ATAD2: variants seen among roughly 807,000 people sequenced by gnomAD.
ATAD2 encodes ATPase family AAA domain-containing protein 2.
A neutral mutation model predicts 168.9 loss-of-function variants in ATAD2; 62 were observed. That is an observed-to-expected ratio of 0.37 (90% CI 0.30 to 0.45). The LOEUF (loss-of-function observed/expected upper bound fraction) is 0.45, where lower values mean the gene tolerates loss of function less well. Ranked by LOEUF, ATAD2 falls within the 20% of genes least tolerant of loss-of-function variation. The probability of loss-of-function intolerance (pLI) is 1.00; values close to 1 mark genes in which losing one functional copy is unlikely to be tolerated. For missense variants in ATAD2, 1,419 were observed against 1,667.8 expected, an observed-to-expected ratio of 0.85 and a Z score of 2.60; for synonymous variants, 613 against 571.6, an observed-to-expected ratio of 1.07 and a Z score of -1.03.
At chr8:123,399,147 A>G (rs1168001130), upstream of ATAD2, among the ~76,000 whole-genome samples, 1 of 152,008 alleles carries the variant, frequency 6.6e-6, no homozygotes, top group Non-Finnish European at 1.5e-5. Flanking sequence ...CTGTAGCCCC[A>G]GCTACTCAGG....
At chr8:123,411,480 G>A (rs1340693699) in intron 1 of ATAD2, among the ~76,000 whole-genome samples, 12 of 152,158 alleles carry the variant, frequency 7.9e-5, no homozygotes, top group Non-Finnish European at 7.3e-5. Context: ...GGCCGACTAA[G>A]AATCCGTAAG....
chr8:123,348,028 G>A (rs1392199378), intron 15 of ATAD2, 155 bp downstream of exon 15: 2 of 696,534 alleles, frequency 2.9e-6, no homozygotes, highest in Non-Finnish European at 5.0e-6. Flanking sequence ...ATATAACCTT[G>A]TATTTCTTTA....
At position 123,338,233 on chromosome 8, in the gene ATAD2, T is replaced by C. The variant is rs543373616; in HGVS notation, c.2855-412A>G. On this transcript the variant is annotated intron_variant, in intron 20 of 27. Transcript: ENST00000287394. The stretch of plus-strand genomic sequence containing the variant: ...TAGCTGGCGTGGTGGCGTGCGCCTG[T>C]AGTCCTACCTACTCAGGAGGCTGAG... Among the ~76,000 whole-genome samples the C allele has an allele frequency of 1.6e-4, 24 of 152,166 alleles. No homozygotes were observed. The South Asian group carries it at 5.0e-3, about 32-fold the overall frequency.
chr8:123,369,618 A>T (rs914456573), intron 7 of ATAD2, among the ~76,000 whole-genome samples: 2 of 152,164 alleles, frequency 1.3e-5, no homozygotes, highest in Non-Finnish European at 2.9e-5. Flanking sequence ...TAGCCCAGTT[A>T]TTTGCTTTGG....
chr8:123,388,250 C>A (rs1174365539), intron 1 of ATAD2, among the ~76,000 whole-genome samples: 2 of 152,150 alleles, frequency 1.3e-5, no homozygotes, highest in Non-Finnish European at 2.9e-5. Context: ...GGCTGGAGTA[C>A]AGTGGCACAA....
chr8:123,349,085 T>C (rs972051285), intron 14 of ATAD2, among the ~76,000 whole-genome samples, 200 bp downstream of exon 14: 16 of 152,196 alleles, frequency 1.1e-4, no homozygotes, highest in Non-Finnish European at 1.8e-4. Context: ...CAAATTGAAA[T>C]AATTTTAAGA....
At chr8:123,359,083 T>C in intron 11 of ATAD2, 138 bp downstream of exon 11, 2 of 570,406 alleles carry the variant, frequency 3.5e-6, no homozygotes, top group Non-Finnish European at 6.0e-6. Context: ...ATAAAGGTGA[T>C]TCAGAGAGAA....
At chr8:123,361,475 G>A in intron 9 of ATAD2, 64 bp downstream of exon 9, 2 of 1,372,756 alleles carry the variant, frequency 1.5e-6, no homozygotes, top group Non-Finnish European at 2.1e-6. Context: ...AAATTATTCT[G>A]TTTTCTTAGC....
intron 13 of ATAD2, among the ~76,000 whole-genome samples, chr8:123,354,888 T>TATATATATATATATATATATATATA (rs1828590688): frequency 7.6e-6 from 1 of 131,340 alleles, no homozygotes; most frequent in African/African-American, 3.0e-5. Flanking sequence ...TATATATATA[T>TATATATATATATATATATATATATA]TTGAGATGGC....
At chr8:123,349,824 G>C (rs1284528229) in intron 13 of ATAD2, among the ~76,000 whole-genome samples, 4 of 151,544 alleles carry the variant, frequency 2.6e-5, no homozygotes, top group African/African-American at 9.7e-5. Context: ...AGTACTCGAG[G>C]CCAGGAGTTT....
chr8:123,369,654 A>T (rs1829079517), intron 7 of ATAD2, among the ~76,000 whole-genome samples, 167 bp downstream of exon 7: 1 of 152,182 alleles, frequency 6.6e-6, no homozygotes, highest in Admixed American at 6.5e-5. Flanking sequence ...AACTTTCTTC[A>T]GAGAAATTAT....
chr8:123,376,554 A>C (rs1197676273), intron 2 of ATAD2, among the ~76,000 whole-genome samples: 5 of 151,658 alleles, frequency 3.3e-5, no homozygotes, highest in African/African-American at 1.2e-4. Flanking sequence ...ACTCCATCTC[A>C]AAAAAAATAC....
chr8:123,370,466 T>TA (rs968578496), intron 6 of ATAD2, among the ~76,000 whole-genome samples: 7 of 152,116 alleles, frequency 4.6e-5, no homozygotes, highest in African/African-American at 1.7e-4. Flanking sequence ...GTCATGGAGT[T>TA]ACACGCTGCA....
At chr8:123,364,597 C>CCAGGGATG (rs1828917687) in intron 8 of ATAD2, among the ~76,000 whole-genome samples, 1 of 152,122 alleles carries the variant, frequency 6.6e-6, no homozygotes, top group South Asian at 2.1e-4. Context: ...AGGTTTCATA[C>CCAGGGATG]CAGGGATGCA....
intron 5 of ATAD2, 72 bp from the exon 6 acceptor site, chr8:123,371,062 A>G: frequency 8.0e-7 from 1 of 1,252,506 alleles, no homozygotes; most frequent in Non-Finnish European, 1.1e-6. Context: ...GGATCCTCCA[A>G]TCTTGTTTAA....
chr8:123,348,115 C>T (rs749387291), intron 15 of ATAD2, 68 bp downstream of exon 15: 1 of 1,293,366 alleles, frequency 7.7e-7, no homozygotes. Context: ...TTGCACCAAC[C>T]TAATATAACT....
intron 8 of ATAD2, among the ~76,000 whole-genome samples, chr8:123,364,550 A>G (rs1489115204): frequency 6.6e-6 from 1 of 152,216 alleles, no homozygotes; most frequent in African/African-American, 2.4e-5. Flanking sequence ...ATCGAATCCA[A>G]CAACGTATCA....
At chr8:123,349,012 G>A (rs1828358166) in intron 14 of ATAD2, among the ~76,000 whole-genome samples, 1 of 152,092 alleles carries the variant, frequency 6.6e-6, no homozygotes, top group Admixed American at 6.6e-5. Context: ...AACTGGCTAA[G>A]GATTGATTAC....
chr8:123,328,756 C>G lies in ATAD2; in HGVS notation c.3479-177G>C, dbSNP rs566979830. ...TGAGAAGGTGGAGAAGTGGGTAAGG[C>G]CCAGACCATAAAATGGTAAAAAATT... is the stretch of plus-strand genomic sequence containing the variant. On this transcript the variant is annotated intron_variant, in intron 24 of 27. Transcript: ENST00000287394. Among the ~76,000 whole-genome samples the G allele has an allele frequency of 7.2e-5, 11 of 151,784 alleles. No homozygotes were observed. The South Asian group carries it at 2.3e-3, about 32-fold the overall frequency.
Sources: gnomAD v4.1 joint callset for allele counts (sites outside exome capture counted in the v4.1 genomes callset) on GRCh38, gnomAD v4.1.1 for gene constraint, MANE v1.5 for transcripts, NCBI Gene and HGNC (gene_info 2026-07-23, HGNC 2026-07-21) for gene names.